Variants in RGS7 observed in about 807,000 individuals in gnomAD.
RGS7 encodes the protein regulator of G protein signaling 7.
RGS7 carries 27 observed loss-of-function variants against 81.1 expected under a neutral mutation model. That is an observed-to-expected ratio of 0.33 (90% CI 0.25 to 0.46). RGS7 has a LOEUF of 0.46. Among genes scored for constraint, RGS7 ranks in the 20% least tolerant of loss-of-function variants. The pLI is 1.00. For synonymous variants in RGS7, 208 were observed against 207.7 expected, an observed-to-expected ratio of 1.00 and a Z score of -0.01; for missense variants, 396 against 607.4, an observed-to-expected ratio of 0.65 and a Z score of 3.66.
chr1:240,778,196 C>T (rs1050976579), intron 18 of RGS7, among the ~76,000 whole-genome samples: 36 of 152,062 alleles, frequency 2.4e-4, no homozygotes, highest in Non-Finnish European at 3.8e-4. Flanking sequence ...ATACCATCAC[C>T]TTCATGATCT....
In RGS7 at chr1:240,814,724, G is replaced by C. The variant is rs759233309; in HGVS notation, c.837C>G (p.Val279=). The part of the protein sequence containing the change: ...LDRHRLKMSK[V]ADSLLSYTEQ... ...CACTTTGAAATACTCACCTGTCAGC[G>C]ACTTTTGACATTTTTAACCGATGTC... The change falls in exon 12 of 19, where the codon GTC becomes GTG. Residue 279 remains valine (V), a synonymous_variant. Transcript: ENST00000440928. 3 of 1,592,130 alleles carry C rather than the reference G, an allele frequency of 1.9e-6. No homozygotes were observed. The African/African-American group carries it at 4.0e-5, about 21-fold the overall frequency.
chr1:241,059,802 A>G (rs866755724), intron 3 of RGS7, among the ~76,000 whole-genome samples: 1 of 152,162 alleles, frequency 6.6e-6, no homozygotes, highest in Non-Finnish European at 1.5e-5. Flanking sequence ...CACCTTACAC[A>G]TCAAGTTCAA....
At chr1:241,123,896 C>G (rs2066465884) in intron 2 of RGS7, among the ~76,000 whole-genome samples, 2 of 152,208 alleles carry the variant, frequency 1.3e-5, no homozygotes, top group East Asian at 1.9e-4. Flanking sequence ...CCACCCTCAC[C>G]TTAGAAGAGG....
chr1:241,145,710 T>C (rs1420376569), intron 2 of RGS7, among the ~76,000 whole-genome samples: 3 of 152,158 alleles, frequency 2.0e-5, no homozygotes, highest in African/African-American at 7.2e-5. Context: ...TGCTCCTGCA[T>C]TCTAGCCTGG....
chr1:241,191,005 C>T (rs559465234), intron 2 of RGS7, among the ~76,000 whole-genome samples: 6 of 150,990 alleles, frequency 4.0e-5, no homozygotes, highest in South Asian at 4.2e-4. Flanking sequence ...TTTTTTGCGA[C>T]GGAGTCTTGC....
In RGS7 at chr1:241,037,187, G is replaced by A. The variant is rs192270085; in HGVS notation, c.176-54058C>T. ...TAGGCTTAGTCGTTATGGAGTACACGGCTAGGAAATACGTATCAGAAGCTG... is the reference window on the plus strand; with the variant it reads ...TAGGCTTAGTCGTTATGGAGTACACAGCTAGGAAATACGTATCAGAAGCTG... On this transcript the variant is annotated intron_variant, in intron 3 of 18. Transcript: ENST00000440928. Among the ~76,000 whole-genome samples the A allele has an allele frequency of 1.1e-4, 16 of 152,182 alleles. No homozygotes were observed. The East Asian group carries it at 1.2e-3, about 11-fold the overall frequency.
At chr1:240,790,433 T>G (rs987404992) in intron 18 of RGS7, among the ~76,000 whole-genome samples, 2 of 152,126 alleles carry the variant, frequency 1.3e-5, no homozygotes, top group Non-Finnish European at 2.9e-5. Flanking sequence ...AGTGCTGGGA[T>G]TACAGGCACA....
At chr1:241,156,870 T>C (rs1387686960) in intron 2 of RGS7, among the ~76,000 whole-genome samples, 3 of 152,172 alleles carry the variant, frequency 2.0e-5, no homozygotes, top group African/African-American at 4.8e-5. Flanking sequence ...TGGGCCTGCA[T>C]TGTAGCTCAA....
At chr1:241,151,428 AG>A in intron 2 of RGS7, among the ~76,000 whole-genome samples, 1 of 152,208 alleles carries the variant, frequency 6.6e-6, no homozygotes, top group Non-Finnish European at 1.5e-5. Flanking sequence ...AGGAAAATGA[AG>A]GGGTGCCACC....
At chr1:240,866,497 C>T (rs1017186918) in intron 9 of RGS7, among the ~76,000 whole-genome samples, 146 of 144,510 alleles carry the variant, frequency 1.0e-3, no homozygotes, top group African/African-American at 3.8e-3. Flanking sequence ...GGCAACAGAG[C>T]GAGACTCCGT....
intron 4 of RGS7, among the ~76,000 whole-genome samples, chr1:240,972,179 G>A (rs1040311842): frequency 2.0e-5 from 3 of 152,056 alleles, no homozygotes; most frequent in Admixed American, 1.3e-4. Flanking sequence ...CCTCTCTTAT[G>A]GTTGCCCGCC....
intron 2 of RGS7, among the ~76,000 whole-genome samples, chr1:241,328,781 T>C (rs1304030408): frequency 6.6e-6 from 1 of 152,208 alleles, no homozygotes; most frequent in Non-Finnish European, 1.5e-5. Context: ...TATAGAAACA[T>C]GTCAGAAAAT....
intron 9 of RGS7, among the ~76,000 whole-genome samples, chr1:240,841,445 A>G (rs907370995): frequency 6.6e-6 from 1 of 152,176 alleles, no homozygotes; most frequent in East Asian, 1.9e-4. Flanking sequence ...CAACCAGCAC[A>G]TCTCCACTGG....
chr1:240,859,582 G>C (rs1467086532), intron 9 of RGS7, among the ~76,000 whole-genome samples: 2 of 150,706 alleles, frequency 1.3e-5, no homozygotes, highest in African/African-American at 2.4e-5. Context: ...TCTGATATTA[G>C]TAATTTGTGT....
At chr1:241,279,316 T>C (rs1268409924) in intron 2 of RGS7, among the ~76,000 whole-genome samples, 1 of 152,196 alleles carries the variant, frequency 6.6e-6, no homozygotes, top group Non-Finnish European at 1.5e-5. Context: ...GGGTTCCCCT[T>C]GATTTTCCTA....
intron 3 of RGS7, among the ~76,000 whole-genome samples, chr1:241,021,207 T>A (rs1198576230): frequency 6.6e-6 from 1 of 152,166 alleles, no homozygotes; most frequent in Non-Finnish European, 1.5e-5. Flanking sequence ...CAACAGCAGC[T>A]GTCTGTGAGT....
intron 2 of RGS7, among the ~76,000 whole-genome samples, chr1:241,259,154 G>C (rs548279051): frequency 6.6e-6 from 1 of 152,152 alleles, no homozygotes; most frequent in Non-Finnish European, 1.5e-5. Context: ...CCAAAAAATT[G>C]ACAAGCACAT....
intron 2 of RGS7, among the ~76,000 whole-genome samples, chr1:241,161,821 G>A (rs1450177241): frequency 2.0e-5 from 3 of 151,044 alleles, no homozygotes; most frequent in Admixed American, 1.3e-4. Context: ...AGGTTCAAGC[G>A]ATTCTCCTGC....
intron 15 of RGS7, 40 bp from the exon 16 acceptor site, chr1:240,803,033 C>A (rs771263438): frequency 7.1e-7 from 1 of 1,412,536 alleles, no homozygotes; most frequent in Non-Finnish European, 1.0e-6. Context: ...TTTATGATTT[C>A]TTGGGAAAAG....
Sources: gnomAD v4.1 joint callset for allele counts (sites outside exome capture counted in the v4.1 genomes callset) on GRCh38, gnomAD v4.1.1 for gene constraint, MANE v1.5 for transcripts, NCBI Gene and HGNC (gene_info 2026-07-23, HGNC 2026-07-21) for gene names.